Variants in COL11A1 observed in about 807,000 individuals in gnomAD.
COL11A1 encodes the protein collagen type XI alpha 1 chain.
Under a neutral mutation model 265.2 loss-of-function variants are expected in COL11A1, and 74 were observed. The ratio of observed to expected loss-of-function variants is 0.28; its 90% CI spans 0.23 to 0.34. The LOEUF (loss-of-function observed/expected upper bound fraction) is 0.34. COL11A1 is among the 10% of genes least tolerant of loss of function. COL11A1 has a pLI of 1.00. For synonymous variants in COL11A1, 816 were observed against 727.6 expected (o/e 1.12, Z -1.96); for missense variants, 2,165 against 2,263.6 (o/e 0.96, Z 0.88).
intron 4 of COL11A1, among the ~76,000 whole-genome samples, chr1:103,045,254 A>T: frequency 6.6e-6 from 1 of 152,138 alleles, no homozygotes; most frequent in East Asian, 1.9e-4. Flanking sequence ...AATGAAATGA[A>T]ATGCCACTGG....
intron 5 of COL11A1, chr1:103,030,791 G>A: frequency 2.9e-6 from 1 of 346,648 alleles, no homozygotes; most frequent in Middle Eastern, 1.0e-3. Flanking sequence ...TCTTGAGGCT[G>A]TTAATTATTT....
chr1:102,999,148 G>A (rs1204729727), intron 24 of COL11A1, among the ~76,000 whole-genome samples: 1 of 151,890 alleles, frequency 6.6e-6, no homozygotes, highest in Non-Finnish European at 1.5e-5. Flanking sequence ...TCAATGAGAA[G>A]GTCAAGGACA....
At chr1:102,913,812 T>C (rs776006646) in intron 52 of COL11A1, 122 bp from the exon 53 acceptor site, 1 of 905,204 alleles carries the variant, frequency 1.1e-6, no homozygotes. Flanking sequence ...ACAAGTAAAA[T>C]CATTATATTC....
intron 41 of COL11A1, among the ~76,000 whole-genome samples, chr1:102,949,155 G>T (rs1201981885): frequency 2.0e-5 from 3 of 151,976 alleles, no homozygotes; most frequent in African/African-American, 4.8e-5. Flanking sequence ...TGCAACTAGG[G>T]TTATTCTACT....
intron 41 of COL11A1, among the ~76,000 whole-genome samples, chr1:102,947,280 A>T (rs1034962522): frequency 6.6e-6 from 1 of 152,188 alleles, no homozygotes; most frequent in African/African-American, 2.4e-5. Flanking sequence ...CTTTATAAAA[A>T]ATATATCTAA....
At chr1:103,015,448 A>C (rs1331742049) in intron 12 of COL11A1, among the ~76,000 whole-genome samples, 2 of 152,072 alleles carry the variant, frequency 1.3e-5, no homozygotes, top group Non-Finnish European at 2.9e-5. Flanking sequence ...TGTTGCTAAG[A>C]GTGTAATCAA....
At chr1:102,914,086 T>A (rs551527038) in intron 52 of COL11A1, among the ~76,000 whole-genome samples, 1 of 152,322 alleles carries the variant, frequency 6.6e-6, no homozygotes, top group South Asian at 2.1e-4. Flanking sequence ...GCTACTCAGA[T>A]AACTTGTTTT....
chr1:103,040,177 G>A (rs1030496324), intron 4 of COL11A1, among the ~76,000 whole-genome samples: 2 of 151,484 alleles, frequency 1.3e-5, no homozygotes, highest in African/African-American at 2.4e-5. Flanking sequence ...AAGTTATATT[G>A]TAATCCTACT....
chr1:102,926,779 T>TA (rs529576689), intron 46 of COL11A1, among the ~76,000 whole-genome samples: 92 of 151,944 alleles, frequency 6.1e-4, no homozygotes, highest in African/African-American at 9.9e-4. Flanking sequence ...AGTAGTCAAA[T>TA]AAAAAAAAGA....
intron 57 of COL11A1, among the ~76,000 whole-genome samples, chr1:102,893,094 T>C (rs1651972205): frequency 6.6e-6 from 1 of 152,162 alleles, no homozygotes; most frequent in Admixed American, 6.5e-5. Flanking sequence ...GTATAAACAG[T>C]GAAGCATAAT....
At chr1:102,905,158 G>A (rs1333248086) in intron 54 of COL11A1, among the ~76,000 whole-genome samples, 4 of 145,368 alleles carry the variant, frequency 2.8e-5, no homozygotes, top group African/African-American at 5.1e-5. Context: ...TCACTCATAG[G>A]TGGGAACTGA....
At position 102,878,195 on chromosome 1, in the gene COL11A1, T is replaced by C. The variant is rs746621015; in HGVS notation, c.5275-30A>G. On this transcript the variant is annotated intron_variant, in intron 66 of 66. Transcript: ENST00000370096. ...AAAATAAAGCAGAAATAAAAAGTTA[T>C]ACAATCTTTTAATATTTTTAAATGC... 16 of 1,574,014 alleles carry C rather than the reference T, an allele frequency of 1.0e-5. No individual in the cohort carries two copies. The African/African-American group carries it at 1.2e-4, about 12-fold the overall frequency.
chr1:102,961,722 A>T, intron 41 of COL11A1, 144 bp downstream of exon 41: 1 of 715,030 alleles, frequency 1.4e-6, no homozygotes, highest in Non-Finnish European at 2.5e-6. Flanking sequence ...GCATGCAATT[A>T]GTGGGAACTA....
chr1:102,940,610 T>A (rs1000059018), intron 42 of COL11A1, among the ~76,000 whole-genome samples, 176 bp from the exon 43 acceptor site: 4 of 152,218 alleles, frequency 2.6e-5, no homozygotes, highest in Admixed American at 2.0e-4. Context: ...ACTATTTTTT[T>A]AAATCACTTA....
At position 102,923,228 on chromosome 1, in the gene COL11A1, C is replaced by T. The variant is rs1013063007; in HGVS notation, c.3654+108G>A. ...CTAAATCATGTCAGTTGCTTATATA[C>T]ACCTCAATAATATATACATAGTAAT... is the stretch of plus-strand genomic sequence containing the variant. On this transcript the variant is annotated intron_variant, in intron 47 of 66. Coordinates refer to ENST00000370096, the MANE Select transcript of COL11A1 (RefSeq NM_001854.4). 1.4e-5 allele frequency: 13 copies of T among 912,946 alleles called. No individual in the cohort carries two copies. In the Admixed American group the frequency reaches 1.7e-4, roughly 12 times the overall value. The allele number at this position is 912,946 out of a possible 1,614,324, so 56.6% of individuals were successfully genotyped here.
chr1:103,071,880 T>C (rs1558024732), intron 4 of COL11A1, among the ~76,000 whole-genome samples: 3 of 150,482 alleles, frequency 2.0e-5, no homozygotes, highest in Admixed American at 6.7e-5. Flanking sequence ...TATATATATA[T>C]ATATATATAT....
chr1:103,054,224 C>A (rs1670048177), intron 4 of COL11A1, among the ~76,000 whole-genome samples: 1 of 152,172 alleles, frequency 6.6e-6, no homozygotes, highest in Non-Finnish European at 1.5e-5. Flanking sequence ...AAAAATGAAT[C>A]ATGAAACAGA....
chr1:102,989,636 G>T, intron 28 of COL11A1, 65 bp from the exon 29 acceptor site: 2 of 1,151,698 alleles, frequency 1.7e-6, no homozygotes, highest in Non-Finnish European at 2.6e-6. Flanking sequence ...CTAAAATATT[G>T]CTATAAAAAT....
chr1:102,938,766 A>C (rs1658411784), intron 44 of COL11A1, among the ~76,000 whole-genome samples: 1 of 152,164 alleles, frequency 6.6e-6, no homozygotes, highest in South Asian at 2.1e-4. Flanking sequence ...TAATCATACA[A>C]AAAAGACTAT....
Sources: gnomAD v4.1 joint callset for allele counts (sites outside exome capture counted in the v4.1 genomes callset) on GRCh38, gnomAD v4.1.1 for gene constraint, MANE v1.5 for transcripts, NCBI Gene and HGNC (gene_info 2026-07-23, HGNC 2026-07-21) for gene names.